Variants in VAV3 observed in about 807,000 individuals in gnomAD.
VAV3 encodes vav guanine nucleotide exchange factor 3.
Under a neutral mutation model 131.2 loss-of-function variants are expected in VAV3, and 94 were observed. That is an observed-to-expected ratio of 0.72 (90% CI 0.61 to 0.85). The LOEUF is 0.85. VAV3 is among the 40% of genes least tolerant of loss of function. The probability of loss-of-function intolerance (pLI) is 0.00; values close to 1 mark genes in which losing one functional copy is unlikely to be tolerated. For synonymous variants in VAV3, 349 were observed against 342.0 expected, an observed-to-expected ratio of 1.02 and a Z score of -0.22; for missense variants, 939 against 1,002.7, an observed-to-expected ratio of 0.94 and a Z score of 0.86.
intron 15 of VAV3, among the ~76,000 whole-genome samples, chr1:107,726,377 G>A (rs1190726477): frequency 1.1e-4 from 16 of 152,214 alleles, no homozygotes; most frequent in Admixed American, 1.0e-3. Context: ...CTCCGGCAGA[G>A]GCGCTCTGCA....
At chr1:107,935,187 C>T (rs977902746) in intron 1 of VAV3, among the ~76,000 whole-genome samples, 6 of 152,150 alleles carry the variant, frequency 3.9e-5, no homozygotes, top group Non-Finnish European at 7.4e-5. Flanking sequence ...TTACAGTTTC[C>T]TACAGTTCTC....
At chr1:107,903,860 T>C (rs2101096294) in intron 1 of VAV3, among the ~76,000 whole-genome samples, 1 of 152,282 alleles carries the variant, frequency 6.6e-6, no homozygotes, top group South Asian at 2.1e-4. Context: ...CTTGAAGTCA[T>C]TCTTGACCCC....
chr1:107,836,334 A>G (rs1668476006), intron 2 of VAV3, among the ~76,000 whole-genome samples: 1 of 152,230 alleles, frequency 6.6e-6, no homozygotes, highest in African/African-American at 2.4e-5. Context: ...ATTTTAAGGT[A>G]AACAACAAAA....
chr1:107,789,574 A>G (rs1205072949), intron 2 of VAV3, among the ~76,000 whole-genome samples: 3 of 152,192 alleles, frequency 2.0e-5, no homozygotes, highest in East Asian at 3.9e-4. Flanking sequence ...CATTTCATAC[A>G]CTGCTTGAAA....
intron 15 of VAV3, among the ~76,000 whole-genome samples, chr1:107,732,164 G>C (rs1004437310): frequency 1.3e-5 from 2 of 152,126 alleles, no homozygotes; most frequent in African/African-American, 4.8e-5. Flanking sequence ...AGTATAATCT[G>C]TTTCATATAC....
chr1:107,826,121 T>G (rs1305180716), intron 2 of VAV3, among the ~76,000 whole-genome samples: 1 of 152,068 alleles, frequency 6.6e-6, no homozygotes, highest in Non-Finnish European at 1.5e-5. Context: ...GTTAGTAGAT[T>G]TAACTTAAGG....
chr1:107,779,812 T>A (rs1665588967), intron 2 of VAV3, among the ~76,000 whole-genome samples: 1 of 152,172 alleles, frequency 6.6e-6, no homozygotes, highest in South Asian at 2.1e-4. Flanking sequence ...TTTTACAGAA[T>A]CTGAAAGATT....
intron 1 of VAV3, among the ~76,000 whole-genome samples, chr1:107,914,446 G>C (rs76497323): frequency 0.033 from 5,052 of 152,220 alleles, 117 homozygotes; most frequent in South Asian, 0.13. Flanking sequence ...ATTTATAGGT[G>C]AATTATTTGA....
At chr1:107,740,680 A>G (rs1420044756) in intron 15 of VAV3, among the ~76,000 whole-genome samples, 3 of 152,226 alleles carry the variant, frequency 2.0e-5, no homozygotes, top group Non-Finnish European at 4.4e-5. Context: ...TTTTGTGGTA[A>G]CATATATTAA....
intron 20 of VAV3, 134 bp from the exon 21 acceptor site, chr1:107,617,766 A>C (rs1453093914): frequency 8.2e-6 from 5 of 610,478 alleles, no homozygotes; most frequent in Non-Finnish European, 1.3e-5. Flanking sequence ...CTGAGCATTA[A>C]CTTACTGTGG....
chr1:107,924,455 G>A (rs1673057630), intron 1 of VAV3, among the ~76,000 whole-genome samples: 1 of 151,326 alleles, frequency 6.6e-6, no homozygotes, highest in Non-Finnish European at 1.5e-5. Context: ...CTGGGTGGCT[G>A]ACAGGGCTTT....
chr1:107,744,549 C>T (rs929983966), intron 15 of VAV3, among the ~76,000 whole-genome samples: 13 of 152,048 alleles, frequency 8.5e-5, no homozygotes, highest in Non-Finnish European at 1.9e-4. Context: ...TTATGGTATG[C>T]CTCTTATTTT....
intron 19 of VAV3, among the ~76,000 whole-genome samples, chr1:107,650,108 A>G (rs898665955): frequency 1.3e-5 from 2 of 152,106 alleles, no homozygotes; most frequent in Non-Finnish European, 2.9e-5. Flanking sequence ...ATATGCGTGA[A>G]TGCTCTGAAA....
intron 20 of VAV3, among the ~76,000 whole-genome samples, chr1:107,629,213 T>C (rs1654258340): frequency 6.6e-6 from 1 of 152,190 alleles, no homozygotes; most frequent in South Asian, 2.1e-4. Flanking sequence ...AGAAAACACA[T>C]ATTTCTATGT....
At chr1:107,819,498 C>T (rs1347039354) in intron 2 of VAV3, among the ~76,000 whole-genome samples, 1 of 146,714 alleles carries the variant, frequency 6.8e-6, no homozygotes, top group Admixed American at 7.0e-5. Flanking sequence ...CATAACAAGA[C>T]TCTGTCTCAA....
chr1:107,635,818 C>T (rs1654888651), intron 20 of VAV3, among the ~76,000 whole-genome samples: 1 of 152,046 alleles, frequency 6.6e-6, no homozygotes, highest in African/African-American at 2.4e-5. Context: ...AGTGCTAGAG[C>T]GTAATAGTAA....
chr1:107,678,258 T>TA (rs1270150428), intron 19 of VAV3, among the ~76,000 whole-genome samples: 11 of 152,226 alleles, frequency 7.2e-5, no homozygotes, highest in Non-Finnish European at 1.5e-4. Context: ...ATGTGAAATA[T>TA]ATTTTTACAC....
chr1:107,854,845 C>A (rs1230698147), intron 2 of VAV3, among the ~76,000 whole-genome samples: 1 of 152,158 alleles, frequency 6.6e-6, no homozygotes, highest in Non-Finnish European at 1.5e-5. Flanking sequence ...CTGTAACAAA[C>A]CCTAAAATTC....
chr1:107,622,368 T>C (rs188324588), intron 20 of VAV3, among the ~76,000 whole-genome samples: 129 of 152,314 alleles, frequency 8.5e-4, no homozygotes, highest in Admixed American at 2.6e-3. Flanking sequence ...ATGCTAGAGC[T>C]AAAACCTCAT....
Sources: allele counts gnomAD v4.1 joint callset (sites outside exome capture counted in the v4.1 genomes callset), GRCh38; gene constraint gnomAD v4.1.1; transcripts MANE v1.5; gene names NCBI Gene and HGNC (gene_info 2026-07-23, HGNC 2026-07-21).